ADGRV1: variants seen among roughly 807,000 people sequenced by gnomAD.
ADGRV1 encodes adhesion G protein-coupled receptor V1.
In ADGRV1, 359 loss-of-function variants were observed where a neutral mutation model predicts 596.2. The ratio of observed to expected loss-of-function variants is 0.60; its 90% CI spans 0.55 to 0.66. ADGRV1 has a LOEUF of 0.66. Among genes scored for constraint, ADGRV1 ranks in the 30% least tolerant of loss-of-function variants. The pLI, the probability that ADGRV1 is intolerant of heterozygous loss-of-function variation, is 0.00. For missense variants in ADGRV1, 7,274 were observed against 7,575.6 expected (o/e 0.96, Z 1.48); for synonymous variants, 2,681 against 2,679.2 (o/e 1.00, Z -0.02).
chr5:90,757,184 A>G (rs1755921805), intron 57 of ADGRV1, 23 bp downstream of exon 57: 1 of 1,604,374 alleles, frequency 6.2e-7, no homozygotes, highest in Admixed American at 1.7e-5. Flanking sequence ...TTAACATATT[A>G]GCCTTTTTGA....
chr5:91,042,744 T>C (rs1042509014), intron 85 of ADGRV1, among the ~76,000 whole-genome samples: 5 of 152,154 alleles, frequency 3.3e-5, no homozygotes, highest in African/African-American at 1.2e-4. Context: ...CTCTGTCCTG[T>C]TTCCTTTATG....
intron 27 of ADGRV1, among the ~76,000 whole-genome samples, chr5:90,682,877 A>T (rs1358194960): frequency 2.0e-5 from 3 of 152,144 alleles, no homozygotes; most frequent in African/African-American, 7.2e-5. Flanking sequence ...TCTTAAATGT[A>T]TTTTCTTATA....
At chr5:90,881,482 A>AG (rs1769766792) in intron 83 of ADGRV1, among the ~76,000 whole-genome samples, 1 of 152,160 alleles carries the variant, frequency 6.6e-6, no homozygotes, top group African/African-American at 2.4e-5. Context: ...AATCTTCATT[A>AG]GAGTCTTAGA....
rs752921228 is a variant in ADGRV1, at chr5:90,657,897, A to G, written c.4379-8A>G. 5 of 1,594,076 alleles carry G rather than the reference A, an allele frequency of 3.1e-6. No individual in the cohort carries two copies. In the Admixed American group the frequency reaches 8.5e-5, roughly 27 times the overall value. The stretch of plus-strand genomic sequence containing the variant: ...TATTGTAGCATTTAAACTTGTCTCT[A>G]ATTTCAGGTCCTGGGATACTGAGAA... On this transcript the variant is annotated splice_region_variant and splice_polypyrimidine_tract_variant and intron_variant, in intron 20 of 89. Transcript: ENST00000405460.
intron 84 of ADGRV1, among the ~76,000 whole-genome samples, chr5:90,966,351 T>C (rs200440924): frequency 6.6e-6 from 1 of 151,730 alleles, no homozygotes; most frequent in East Asian, 1.9e-4. Context: ...TCCAACATGG[T>C]GAAACCCCAT....
intron 77 of ADGRV1, among the ~76,000 whole-genome samples, chr5:90,831,564 A>G (rs1764533688): frequency 6.6e-6 from 1 of 152,144 alleles, no homozygotes; most frequent in Non-Finnish European, 1.5e-5. Context: ...TTTTTGTTAC[A>G]GATAATTCAA....
At chr5:90,882,614 AG>A (rs1340556247) in intron 83 of ADGRV1, among the ~76,000 whole-genome samples, 2 of 152,220 alleles carry the variant, frequency 1.3e-5, no homozygotes, top group Non-Finnish European at 2.9e-5. Context: ...TGTGCCCTGC[AG>A]GGCCTTTGGG....
At chr5:90,645,127 C>T (rs974845043) in intron 15 of ADGRV1, among the ~76,000 whole-genome samples, 4 of 152,168 alleles carry the variant, frequency 2.6e-5, no homozygotes, top group Admixed American at 1.3e-4. Context: ...GTTGGAGAGG[C>T]GAAGCCCTCG....
chr5:91,068,002 G>A (rs1788030866), intron 85 of ADGRV1, among the ~76,000 whole-genome samples: 1 of 152,150 alleles, frequency 6.6e-6, no homozygotes, highest in Non-Finnish European at 1.5e-5. Context: ...TGAGTGTTCA[G>A]GTAATGATTC....
intron 83 of ADGRV1, among the ~76,000 whole-genome samples, chr5:90,910,950 G>C (rs942859669): frequency 4.6e-5 from 7 of 152,078 alleles, no homozygotes; most frequent in Admixed American, 1.3e-4. Context: ...AGTTTTGGTT[G>C]TTTATTTGAA....
chr5:90,840,729 T>G lies in ADGRV1; in HGVS notation c.16763T>G (p.Leu5588Ter). 6.2e-7 allele frequency: 1 copy of G among 1,614,030 alleles called. No homozygotes were observed. The highest frequency in any genetic ancestry group is 8.5e-7 in the Non-Finnish European group (1 of 1,179,884). The change falls in exon 78 of 90, where the codon TTA becomes TGA. Residue 5588 changes from leucine to a stop codon, truncating the protein, a stop_gained. Transcript: ENST00000405460. LOFTEE classifies it high-confidence loss of function. ...DVILTPETGSLNSFPKRFQIV... is the reference protein window; with the variant it reads ...DVILTPETGS ...ATCCTAACGCCAGAGACAGGATCTTTAAATTCATTTCCTAAACGCTTCCAG... is the reference window on the plus strand; with the variant it reads ...ATCCTAACGCCAGAGACAGGATCTTGAAATTCATTTCCTAAACGCTTCCAG...
intron 21 of ADGRV1, among the ~76,000 whole-genome samples, chr5:90,665,500 CTCTTT>C (rs1771181635): frequency 6.6e-6 from 1 of 151,940 alleles, no homozygotes; most frequent in Non-Finnish European, 1.5e-5. Flanking sequence ...TGATTCTTCT[CTCTTT>C]TTTTCTTTAT....
intron 59 of ADGRV1, among the ~76,000 whole-genome samples, chr5:90,772,754 A>G (rs1757825574): frequency 6.6e-6 from 1 of 152,236 alleles, no homozygotes; most frequent in Non-Finnish European, 1.5e-5. Flanking sequence ...ATTACTGTAC[A>G]TATAAAGAAG....
At chr5:90,937,559 G>A (rs1361400961) in intron 83 of ADGRV1, among the ~76,000 whole-genome samples, 2 of 149,112 alleles carry the variant, frequency 1.3e-5, no homozygotes, top group African/African-American at 4.9e-5. Flanking sequence ...CCGGGTTCAC[G>A]CCGTTCTCCT....
chr5:91,138,289 A>G (rs1488154632), intron 87 of ADGRV1, among the ~76,000 whole-genome samples: 1 of 151,640 alleles, frequency 6.6e-6, no homozygotes, highest in Non-Finnish European at 1.5e-5. Context: ...GTTTATATCC[A>G]AGCTGGAGTG....
At chr5:90,785,667 T>G (rs1306516795) in intron 67 of ADGRV1, among the ~76,000 whole-genome samples, 1 of 152,182 alleles carries the variant, frequency 6.6e-6, no homozygotes, top group Non-Finnish European at 1.5e-5. Flanking sequence ...TCATCCCTGG[T>G]CATCAGAGAA....
intron 85 of ADGRV1, among the ~76,000 whole-genome samples, chr5:91,020,201 A>G (rs1360459903): frequency 1.3e-5 from 2 of 152,012 alleles, no homozygotes; most frequent in African/African-American, 4.8e-5. Context: ...TTGTCAGGCT[A>G]CCACTGGTGT....
chr5:90,598,223 ATAG>A (rs1760954436), intron 1 of ADGRV1, among the ~76,000 whole-genome samples: 1 of 152,210 alleles, frequency 6.6e-6, no homozygotes, highest in East Asian at 1.9e-4. Context: ...TGCCTGGCAG[ATAG>A]TAGAGACTCA....
intron 83 of ADGRV1, among the ~76,000 whole-genome samples, chr5:90,881,495 G>GT (rs915746594): frequency 2.6e-5 from 4 of 151,496 alleles, no homozygotes; most frequent in East Asian, 3.9e-4. Context: ...GTCTTAGAAA[G>GT]TTTTTTTTTA....
Sources: gnomAD v4.1 joint callset for allele counts (sites outside exome capture counted in the v4.1 genomes callset) on GRCh38, gnomAD v4.1.1 for gene constraint, MANE v1.5 for transcripts, NCBI Gene and HGNC (gene_info 2026-07-23, HGNC 2026-07-21) for gene names.